NDUFA11: variants seen among roughly 807,000 people sequenced by gnomAD.
The protein encoded by NDUFA11 is NADH:ubiquinone oxidoreductase subunit A11, also known as NADH dehydrogenase [ubiquinone] 1 alpha subcomplex subunit 11.
A neutral mutation model predicts 11.3 loss-of-function variants in NDUFA11; 14 were observed. The observed-to-expected ratio is 1.24, with a 90% CI of 0.82 to 1.94. The LOEUF is 1.94. Ranked by LOEUF, NDUFA11 falls within the 30% of genes most tolerant of loss-of-function variation. The probability of loss-of-function intolerance (pLI) is 0.00; values close to 1 mark genes in which losing one functional copy is unlikely to be tolerated. For missense variants in NDUFA11, 204 were observed against 200.3 expected (o/e 1.02, Z -0.11); for synonymous variants, 87 against 85.6 (o/e 1.02, Z -0.09).
chr19:5,897,127 G>A lies in NDUFA11; in HGVS notation c.98-130C>T, dbSNP rs558757650. 253 of 773,664 alleles carry A rather than the reference G, an allele frequency of 3.3e-4. 1 individual carries two copies. The East Asian group carries it at 6.1e-3, about 19-fold the overall frequency. 47.9% of individuals were successfully genotyped at this position (773,664 alleles called of 1,614,324 possible). A position where few individuals can be genotyped will look rare whatever the true frequency, so the allele number is the denominator to read the frequency against. The stretch of plus-strand genomic sequence containing the variant: ...CCCCTTCTTTGCCCATAGTGTCCCC[G>A]GCTGCTGAGTGGCAGAGCTGGATTT... On this transcript the variant is annotated intron_variant, in intron 1 of 3. Transcript: ENST00000308961.
At position 5,896,800 on chromosome 19, in the gene NDUFA11, G is replaced by A; in HGVS notation, c.190+105C>T. 1 of 1,215,658 alleles carries A rather than the reference G, an allele frequency of 8.2e-7. No homozygotes were observed. 75.3% of individuals were successfully genotyped at this position (1,215,658 alleles called of 1,614,324 possible). ...CTTTCTCCGGATGGCCAGCACTGTG[G>A]ACACGGGCTGGGGAGTCAGAGAGAA... On this transcript the variant is annotated intron_variant, in intron 2 of 3. Coordinates refer to ENST00000308961, the MANE Select transcript of NDUFA11 (RefSeq NM_175614.5). This position sits in a 1 kb window ranked among gnomAD's most constrained non-coding sequence, Gnocchi z 5.8.
chr19:5,900,571 C>T (rs2057638636), intron 1 of NDUFA11, among the ~76,000 whole-genome samples: 1 of 152,190 alleles, frequency 6.6e-6, no homozygotes, highest in Non-Finnish European at 1.5e-5. Flanking sequence ...GGGGAGGACC[C>T]AGAAACACGT....
Position 5,894,765 on chromosome 19 carries a change from C to G in NDUFA11, c.403G>C (p.Val135Leu). Residue 135 changes from valine (V) to leucine (L), a missense_variant, in exon 4 of 4, where the codon GTG becomes CTG. Transcript: ENST00000308961. ...VKMGRLEGWE[V>L]FAKPKV ...GCTCACACCTTGGGTTTTGCAAACA[C>G]CTCCCAGCCCTCCAGCCGGCCCATC... is the stretch of plus-strand genomic sequence containing the variant. 3.1e-6 allele frequency: 5 copies of G among 1,613,388 alleles called. No homozygotes were observed. Among genetic ancestry groups the G allele is most frequent in the Non-Finnish European group, 4.2e-6 (5 of 1,179,810 alleles).
At position 5,896,957 on chromosome 19, in the gene NDUFA11, C is replaced by T. The variant is rs138889960; in HGVS notation, c.138G>A (p.Pro46=). The change falls in exon 2 of 4, where the codon CCG becomes CCA. Residue 46 remains proline, a synonymous_variant. Coordinates refer to ENST00000308961, the MANE Select transcript of NDUFA11 (RefSeq NM_175614.5). This position sits in a 1 kb window ranked among gnomAD's most constrained non-coding sequence, Gnocchi z 5.8. ...AAAYRVTLNP[P]GTFLEGVAKV... ...TAGCCACTCCTTCAAGGAAGGTGCC[C>T]GGAGGATTGAGTGTGACTCTGTAGG... 637 of 1,614,110 alleles carry T rather than the reference C, an allele frequency of 3.9e-4. 3 individuals carry two copies. Among genetic ancestry groups the T allele is most frequent in the Middle Eastern group, 3.8e-3 (23 of 6,062 alleles).
Position 5,896,480 on chromosome 19 carries a change from C to A in NDUFA11, c.286G>T (p.Ala96Ser). ...DPLNYFLGGC[A>S]GGLTLGARTH... ...CGTGCTCCCAGAGTCAGGCCTCCGG[C>A]GCAGCCACCGAGGAAGTAGTTCAGG... Residue 96 changes from alanine (A) to serine (S), a missense_variant, in exon 3 of 4, where the codon GCC (alanine) becomes TCC (serine). By Grantham distance (99) the Ala-to-Ser change is moderately conservative (BLOSUM62 1). Coordinates refer to ENST00000308961, the MANE Select transcript of NDUFA11 (RefSeq NM_175614.5). This position sits in a 1 kb window ranked among gnomAD's most constrained non-coding sequence, Gnocchi z 5.8. The A allele has an allele frequency of 1.3e-6, 2 of 1,572,878 alleles. No homozygotes were observed. Among genetic ancestry groups the A allele is most frequent in the Non-Finnish European group, 1.7e-6 (2 of 1,159,580 alleles).
downstream of NDUFA11, chr19:5,892,055 G>A (rs2057581146): frequency 6.6e-6 from 1 of 152,294 alleles, no homozygotes; most frequent in Non-Finnish European, 1.5e-5. Context: ...GGGTTCCCTG[G>A]AGCCCAGCAA....
rs372900485 is a variant in NDUFA11, at chr19:5,903,741, C to T, written c.-33G>A. The stretch of plus-strand genomic sequence containing the variant: ...AATCTCGATCCCGCACCACGGACCC[C>T]GCCAGCTCGGGAAGCGCAAGGGCAG... On this transcript the variant is annotated 5_prime_UTR_variant, in exon 1 of 4. Coordinates refer to ENST00000308961, the MANE Select transcript of NDUFA11 (RefSeq NM_175614.5). The T allele has an allele frequency of 6.5e-7, 1 of 1,548,960 alleles. No homozygotes were observed. The highest frequency in any genetic ancestry group is 8.7e-7 in the Non-Finnish European group (1 of 1,144,926).
intron 1 of NDUFA11, among the ~76,000 whole-genome samples, chr19:5,898,587 T>C (rs570795569): frequency 1.6e-4 from 24 of 152,148 alleles, no homozygotes; most frequent in Non-Finnish European, 2.8e-4. Flanking sequence ...GAAAGGTGGA[T>C]GGAGGACCAG....
At chr19:5,901,201 C>A in intron 1 of NDUFA11, 1 of 850,186 alleles carries the variant, frequency 1.2e-6, no homozygotes, top group Non-Finnish European at 1.6e-6. Flanking sequence ...GCAGCCCACT[C>A]ATTTTGTATT....
intron 3 of NDUFA11, chr19:5,895,266 C>T (rs1455406924): frequency 1.6e-5 from 3 of 188,606 alleles, no homozygotes; most frequent in Non-Finnish European, 3.3e-5. Flanking sequence ...CCGAGGAGCC[C>T]CGACAGTGCC....
chr19:5,893,807 A>G (rs1292782946), downstream of NDUFA11, among the ~76,000 whole-genome samples: 1 of 152,098 alleles, frequency 6.6e-6, no homozygotes, highest in Non-Finnish European at 1.5e-5. This position sits in a 1 kb window ranked among gnomAD's most constrained non-coding sequence, Gnocchi z 4.1. Context: ...AAAAGGGAAG[A>G]GATGGGGCCG....
chr19:5,897,258 T>C (rs2057616216), intron 1 of NDUFA11, among the ~76,000 whole-genome samples: 1 of 152,226 alleles, frequency 6.6e-6, no homozygotes, highest in African/African-American at 2.4e-5. Context: ...TACTGGCTCC[T>C]GCAGAGCACC....
At position 5,894,830 on chromosome 19, in the gene NDUFA11, G is replaced by A. The variant is rs753769061; in HGVS notation, c.338C>T (p.Ala113Val). The change falls in exon 4 of 4, where the codon GCC becomes GTC. Residue 113 changes from alanine to valine, a missense_variant. Ala to Val is a moderately conservative substitution (Grantham distance 64, BLOSUM62 0). Coordinates refer to ENST00000308961, the MANE Select transcript of NDUFA11 (RefSeq NM_175614.5). ...ARTHNYGIGA[A>V]ACVYFGIAAS... The stretch of plus-strand genomic sequence containing the variant: ...CGCTATGCCAAAGTACACGCAGGCG[G>A]CGGCGCCAATCCCGTAGTTGTGCGC... 17 of 1,611,736 alleles carry A rather than the reference G, an allele frequency of 1.1e-5. No individual in the cohort carries two copies. The highest frequency in any genetic ancestry group is 1.0e-4 in the Admixed American group (6 of 59,766).
At position 5,896,466 on chromosome 19, in the gene NDUFA11, A is replaced by G; in HGVS notation, c.300T>C (p.Thr100=). Residue 100 remains threonine (T), a synonymous_variant, in exon 3 of 4, where the codon ACT becomes ACC. Transcript: ENST00000308961. The surrounding 1 kb of genome is among the most constrained non-coding windows in gnomAD (Gnocchi z 5.8). ...GGGGCCACTCACTGCGTGCTCCCAG[A>G]GTCAGGCCTCCGGCGCAGCCACCGA... ...YFLGGCAGGL[T]LGARTHNYGI... is the part of the protein sequence containing the mutation. 6.4e-7 allele frequency: 1 copy of G among 1,572,786 alleles called. No homozygotes were observed.
chr19:5,893,034 G>T (rs2057587252), downstream of NDUFA11: 5 of 1,535,266 alleles, frequency 3.3e-6, no homozygotes, highest in South Asian at 2.4e-5. This position sits in a 1 kb window ranked among gnomAD's most constrained non-coding sequence, Gnocchi z 4.1. Context: ...TTCTCAGGGA[G>T]CCCGAGGCCC....
intron 1 of NDUFA11, chr19:5,902,712 G>A (rs1214168810): frequency 2.0e-5 from 3 of 152,790 alleles, no homozygotes; most frequent in East Asian, 3.8e-4. Context: ...TACTCTATAA[G>A]AGAATGCCAG....
intron 1 of NDUFA11, among the ~76,000 whole-genome samples, chr19:5,899,063 G>GCACA (rs149358572): frequency 8.8e-5 from 13 of 147,382 alleles, no homozygotes; most frequent in African/African-American, 3.0e-4. Context: ...TTCAGTCAGT[G>GCACA]CACACACACA....
In NDUFA11 at chr19:5,894,818, T is replaced by A. The variant is rs777904924; in HGVS notation, c.350A>T (p.Tyr117Phe). 6.2e-7 allele frequency: 1 copy of A among 1,612,956 alleles called. No homozygotes were observed. The highest frequency in any genetic ancestry group is 8.5e-7 in the Non-Finnish European group (1 of 1,179,572). ...GACCAGGGAGGCCGCTATGCCAAAG[T>A]ACACGCAGGCGGCGGCGCCAATCCC... Reference protein sequence around the residue: ...NYGIGAAACVYFGIAASLVKM... With the variant: ...NYGIGAAACVFFGIAASLVKM... The change falls in exon 4 of 4, where the codon TAC (tyrosine) becomes TTC (phenylalanine). Residue 117 changes from tyrosine to phenylalanine, a missense_variant. Tyr to Phe is a conservative substitution (Grantham distance 22, BLOSUM62 3). Transcript: ENST00000308961.
In NDUFA11 at chr19:5,903,733, A is replaced by G; in HGVS notation, c.-25T>C. 6.5e-7 allele frequency: 1 copy of G among 1,549,806 alleles called. No individual in the cohort carries two copies. Among genetic ancestry groups the G allele is most frequent in the Non-Finnish European group, 8.7e-7 (1 of 1,145,720 alleles). ...TAGCCCGCAATCTCGATCCCGCACCACGGACCCCGCCAGCTCGGGAAGCGC... is the reference window on the plus strand; with the variant it reads ...TAGCCCGCAATCTCGATCCCGCACCGCGGACCCCGCCAGCTCGGGAAGCGC... On this transcript the variant is annotated 5_prime_UTR_variant, in exon 1 of 4. Coordinates refer to ENST00000308961, the MANE Select transcript of NDUFA11 (RefSeq NM_175614.5).
Sources: gnomAD v4.1 joint callset for allele counts (sites outside exome capture counted in the v4.1 genomes callset) on GRCh38, gnomAD v4.1.1 for gene constraint, Gnocchi (gnomAD v3.1) non-coding constraint, MANE v1.5 for transcripts, NCBI Gene and HGNC (gene_info 2026-07-23, HGNC 2026-07-21) for gene names.